Variants in MRTFA observed in about 807,000 individuals in gnomAD.
MRTFA encodes myocardin-related transcription factor A.
In MRTFA, 20 loss-of-function variants were observed where a neutral mutation model predicts 83.5. The observed-to-expected ratio is 0.24, with a 90% CI of 0.17 to 0.35. The LOEUF (loss-of-function observed/expected upper bound fraction) is 0.35. Ranked by LOEUF, MRTFA falls within the 10% of genes least tolerant of loss-of-function variation. MRTFA has a pLI of 1.00. For synonymous variants in MRTFA, 659 were observed against 541.2 expected, an observed-to-expected ratio of 1.22 and a Z score of -3.02; for missense variants, 1,200 against 1,224.7, an observed-to-expected ratio of 0.98 and a Z score of 0.30.
At chr22:40,502,875 G>A (rs905557663) in intron 3 of MRTFA, among the ~76,000 whole-genome samples, 14 of 152,196 alleles carry the variant, frequency 9.2e-5, no homozygotes, top group African/African-American at 3.4e-4. Context: ...CCTTTATGAA[G>A]ATAGTCCTCT....
At chr22:40,459,839 A>G (rs1377467163) in intron 4 of MRTFA, among the ~76,000 whole-genome samples, 1 of 133,940 alleles carries the variant, frequency 7.5e-6, no homozygotes, top group Non-Finnish European at 1.6e-5. Flanking sequence ...ACATATATAT[A>G]TATATATATA....
intron 3 of MRTFA, among the ~76,000 whole-genome samples, chr22:40,502,774 C>T (rs1481585390): frequency 3.3e-5 from 5 of 151,950 alleles, no homozygotes; most frequent in Non-Finnish European, 7.4e-5. Context: ...CGGCGCTCGC[C>T]GGCGCGGCGG....
Position 40,424,094 on chromosome 22 carries a change from C to T in MRTFA, c.777+112G>A, listed in dbSNP as rs8142404. 1,160 of 1,197,112 alleles carry T rather than the reference C, an allele frequency of 9.7e-4. 9 individuals carry two copies. In the African/African-American group the frequency reaches 0.017, roughly 18 times the overall value. 74.2% of individuals were successfully genotyped at this position (1,197,112 alleles called of 1,614,324 possible). On this transcript the variant is annotated intron_variant, in intron 8 of 14. Transcript: ENST00000355630. ...ACCTAAGCAACTAGGGTAGCATCCCCCTGGCTTCCCTGTGCCAGAGCAGGA... is the reference window on the plus strand; with the variant it reads ...ACCTAAGCAACTAGGGTAGCATCCCTCTGGCTTCCCTGTGCCAGAGCAGGA...
intron 3 of MRTFA, among the ~76,000 whole-genome samples, chr22:40,490,174 C>CA (rs1270968591): frequency 6.6e-6 from 1 of 152,068 alleles, no homozygotes; most frequent in Non-Finnish European, 1.5e-5. Flanking sequence ...GGTAGCAGCC[C>CA]AAGTCCTAAG....
chr22:40,429,804 T>C (rs761503362), intron 6 of MRTFA, 37 bp from the exon 7 acceptor site: 15 of 1,565,740 alleles, frequency 9.6e-6, no homozygotes, highest in Admixed American at 5.4e-5. Flanking sequence ...GGAAGATATA[T>C]GAGTGGACGT....
intron 2 of MRTFA, among the ~76,000 whole-genome samples, chr22:40,590,961 G>A (rs187069940): frequency 4.0e-5 from 6 of 151,742 alleles, no homozygotes; most frequent in Middle Eastern, 3.4e-3. Flanking sequence ...GTGAAACCCC[G>A]TCTCTACCAA....
intron 1 of MRTFA, 133 bp from the exon 2 acceptor site, chr22:40,594,868 TAA>T (rs2056168345): frequency 6.9e-6 from 1 of 145,304 alleles, no homozygotes; most frequent in Admixed American, 7.0e-5. Flanking sequence ...ACAACAGTGT[TAA>T]GAGTTCTGTC....
chr22:40,629,775 CAAAAAAAA>C (rs766356425), intron 1 of MRTFA, among the ~76,000 whole-genome samples: 17 of 40,342 alleles, frequency 4.2e-4, no homozygotes, highest in South Asian at 4.2e-3. Flanking sequence ...GATTCCATCT[CAAAAAAAA>C]AAAAAAAAAA....
chr22:40,540,926 G>C (rs2055279291), intron 3 of MRTFA, among the ~76,000 whole-genome samples: 1 of 151,828 alleles, frequency 6.6e-6, no homozygotes, highest in South Asian at 2.1e-4. Context: ...AATTCAAATG[G>C]CATAGGAAAA....
chr22:40,582,979 A>C (rs1602459728), intron 2 of MRTFA, among the ~76,000 whole-genome samples: 1 of 152,340 alleles, frequency 6.6e-6, no homozygotes, highest in South Asian at 2.1e-4. Context: ...ACTGGAGTGA[A>C]GCAGCTAATA....
At chr22:40,435,367 G>T in intron 5 of MRTFA, 132 bp downstream of exon 5, 1 of 933,382 alleles carries the variant, frequency 1.1e-6, no homozygotes, top group Non-Finnish European at 1.7e-6. Flanking sequence ...ACAAGGCCAG[G>T]GCTGGCCCTA....
At chr22:40,614,045 C>T (rs1469319829) in intron 1 of MRTFA, among the ~76,000 whole-genome samples, 2 of 149,572 alleles carry the variant, frequency 1.3e-5, no homozygotes, top group Non-Finnish European at 3.0e-5. Context: ...ACTAAAAATA[C>T]AAAAAAATTA....
intron 1 of MRTFA, among the ~76,000 whole-genome samples, chr22:40,608,394 C>T (rs1037891923): frequency 3.3e-5 from 5 of 152,150 alleles, no homozygotes; most frequent in South Asian, 2.1e-4. Flanking sequence ...TTCAGTATTA[C>T]GTAGCTGATT....
chr22:40,450,798 G>T (rs1325595142), intron 4 of MRTFA, among the ~76,000 whole-genome samples: 1 of 152,080 alleles, frequency 6.6e-6, no homozygotes, highest in Non-Finnish European at 1.5e-5. Context: ...AAATTTTGGC[G>T]AAAGCATAGC....
chr22:40,415,438 C>A (rs1412719814), intron 14 of MRTFA: 2 of 152,208 alleles, frequency 1.3e-5, no homozygotes, highest in East Asian at 1.9e-4. Context: ...AAAATTCACA[C>A]AACATCACAT....
At chr22:40,602,077 G>A (rs989913838) in intron 1 of MRTFA, among the ~76,000 whole-genome samples, 1 of 152,114 alleles carries the variant, frequency 6.6e-6, no homozygotes, top group African/African-American at 2.4e-5. Flanking sequence ...CAAGAGAATG[G>A]TCCAGAGCCT....
At chr22:40,607,973 G>GT (rs2056338195) in intron 1 of MRTFA, among the ~76,000 whole-genome samples, 1 of 152,168 alleles carries the variant, frequency 6.6e-6, no homozygotes, top group Admixed American at 6.5e-5. Context: ...AGTTAATACA[G>GT]TAACAACTGT....
intron 4 of MRTFA, among the ~76,000 whole-genome samples, chr22:40,438,004 G>A (rs1368530096): frequency 6.6e-6 from 1 of 152,150 alleles, no homozygotes; most frequent in Non-Finnish European, 1.5e-5. Flanking sequence ...AGTGACAGGA[G>A]GACAGGAGGA....
At chr22:40,597,321 C>T (rs2056205725) in intron 1 of MRTFA, among the ~76,000 whole-genome samples, 1 of 152,198 alleles carries the variant, frequency 6.6e-6, no homozygotes. Flanking sequence ...CGTAATTACA[C>T]CAACAATTCA....
Sources: allele counts gnomAD v4.1 joint callset (sites outside exome capture counted in the v4.1 genomes callset), GRCh38; gene constraint gnomAD v4.1.1; transcripts MANE v1.5; gene names NCBI Gene and HGNC (gene_info 2026-07-23, HGNC 2026-07-21).